Variants in ACTR3C observed in about 807,000 individuals in gnomAD.
ACTR3C encodes actin related protein 3C.
A neutral mutation model predicts 26.3 loss-of-function variants in ACTR3C; 18 were observed. That is an observed-to-expected ratio of 0.68 (90% confidence interval 0.47 to 1.01). The LOEUF is 1.01. ACTR3C is among the 50% of genes least tolerant of loss of function. The pLI, the probability that ACTR3C is intolerant of heterozygous loss-of-function variation, is 0.00. For synonymous variants in ACTR3C, 55 were observed against 94.5 expected, an observed-to-expected ratio of 0.58 and a Z score of 2.42; for missense variants, 184 against 250.7, an observed-to-expected ratio of 0.73 and a Z score of 1.80.
chr7:150,278,074 A>G (rs1835029849), intron 6 of ACTR3C, among the ~76,000 whole-genome samples: 1 of 152,092 alleles, frequency 6.6e-6, no homozygotes, highest in South Asian at 2.1e-4. Context: ...CCCAGGCTTC[A>G]CACTCCCCAT....
the ACTR3C span, among the ~76,000 whole-genome samples, chr7:150,118,252 T>G: frequency 6.6e-6 from 1 of 151,946 alleles, no homozygotes; most frequent in South Asian, 2.1e-4. Context: ...AAATTGACAG[T>G]AGGCTTCAGA....
chr7:150,231,728 T>C, the ACTR3C span, among the ~76,000 whole-genome samples: 2 of 152,074 alleles, frequency 1.3e-5, no homozygotes, highest in South Asian at 4.1e-4. Flanking sequence ...GACCTGATAA[T>C]ATATTTCCTA....
At chr7:150,259,564 G>GA (rs1417251567) in intron 6 of ACTR3C, among the ~76,000 whole-genome samples, 2 of 152,166 alleles carry the variant, frequency 1.3e-5, no homozygotes, top group Non-Finnish European at 2.9e-5. Context: ...GCTTTAGAAA[G>GA]AAAAAACAGC....
At chr7:150,189,234 A>G in the ACTR3C span, among the ~76,000 whole-genome samples, 1 of 152,070 alleles carries the variant, frequency 6.6e-6, no homozygotes, top group Non-Finnish European at 1.5e-5. Flanking sequence ...ATTTTGCTCT[A>G]TTCTTTTTGC....
At chr7:150,047,050 T>C in the ACTR3C span, among the ~76,000 whole-genome samples, 1 of 150,612 alleles carries the variant, frequency 6.6e-6, no homozygotes, top group Non-Finnish European at 1.5e-5. Flanking sequence ...GAAAGGATAA[T>C]CACCACCACC....
chr7:150,274,372 T>C lies in ACTR3C; in HGVS notation c.564+10381A>G, dbSNP rs935222536. 6.6e-6 allele frequency among the ~76,000 whole-genome samples: 1 copy of C among 152,192 alleles called. No individual in the cohort carries two copies. Among genetic ancestry groups the C allele is most frequent in the Non-Finnish European group, 1.5e-5 (1 of 68,032 alleles). ...CAATAACATATTTTTTAAATGAAGGTATGTACACTGGTTTTTTAGACATAA... is the reference window on the plus strand; with the variant it reads ...CAATAACATATTTTTTAAATGAAGGCATGTACACTGGTTTTTTAGACATAA... On this transcript the variant is annotated intron_variant, in intron 6 of 7. Coordinates refer to ENST00000683684, the MANE Select transcript of ACTR3C (RefSeq NM_001164458.2). The surrounding 1 kb of genome is among the most constrained non-coding windows in gnomAD (Gnocchi z 4.1).
the ACTR3C span, among the ~76,000 whole-genome samples, chr7:149,884,406 G>C: frequency 1.3e-5 from 2 of 152,188 alleles, no homozygotes; most frequent in South Asian, 2.1e-4. Context: ...AAGTCCAAGA[G>C]ACCTAGTGTG....
chr7:149,907,577 C>T, the ACTR3C span, among the ~76,000 whole-genome samples: 2 of 150,208 alleles, frequency 1.3e-5, no homozygotes, highest in Non-Finnish European at 1.5e-5. Flanking sequence ...TTTGTATTAT[C>T]CTCCTAGCTT....
At chr7:149,923,049 A>T in the ACTR3C span, among the ~76,000 whole-genome samples, 1 of 140,530 alleles carries the variant, frequency 7.1e-6, no homozygotes, top group Non-Finnish European at 1.5e-5. Context: ...GATGCAAGCT[A>T]ATTTCATAAT....
chr7:150,008,058 A>G, the ACTR3C span, among the ~76,000 whole-genome samples: 2 of 152,236 alleles, frequency 1.3e-5, no homozygotes, highest in Non-Finnish European at 2.9e-5. Flanking sequence ...CTTAAACGAA[A>G]GAAAAAAATC....
At chr7:150,097,197 G>C in the ACTR3C span, among the ~76,000 whole-genome samples, 2 of 151,796 alleles carry the variant, frequency 1.3e-5, no homozygotes, top group Non-Finnish European at 2.9e-5. Context: ...AGAATCACAG[G>C]ACTCTGTGTT....
chr7:150,146,385 C>T, the ACTR3C span, among the ~76,000 whole-genome samples: 5 of 152,158 alleles, frequency 3.3e-5, no homozygotes, highest in Non-Finnish European at 7.3e-5. Context: ...AGCTGTAAGA[C>T]AAAGAGTTCC....
the ACTR3C span, among the ~76,000 whole-genome samples, chr7:150,190,855 A>G: frequency 2.0e-5 from 3 of 152,152 alleles, no homozygotes; most frequent in African/African-American, 7.2e-5. Context: ...GGAAGCAAAC[A>G]CGTCCTTCTT....
the ACTR3C span, among the ~76,000 whole-genome samples, chr7:150,037,429 A>T: frequency 3.1e-5 from 1 of 32,352 alleles, no homozygotes; most frequent in Non-Finnish European, 6.6e-5. Flanking sequence ...GAACTAGGGG[A>T]TGGCTCTCAA....
chr7:150,125,988 T>G, the ACTR3C span, among the ~76,000 whole-genome samples: 56 of 152,358 alleles, frequency 3.7e-4, no homozygotes, highest in South Asian at 0.012. Context: ...CTGGCTGAAC[T>G]GGGCACAGAG....
intron 6 of ACTR3C, among the ~76,000 whole-genome samples, chr7:150,272,211 A>G (rs1834501864): frequency 7.1e-6 from 1 of 141,314 alleles, no homozygotes; most frequent in Admixed American, 6.7e-5. Context: ...TCTGCCTCTC[A>G]TTCCTAAAAT....
At chr7:149,914,053 GT>G in the ACTR3C span, among the ~76,000 whole-genome samples, 81 of 151,108 alleles carry the variant, frequency 5.4e-4, no homozygotes, top group African/African-American at 1.6e-3. Flanking sequence ...ACCCGGCTAA[GT>G]TTTTTTTTAT....
the ACTR3C span, among the ~76,000 whole-genome samples, chr7:150,235,278 G>C: frequency 6.6e-6 from 1 of 152,170 alleles, no homozygotes; most frequent in South Asian, 2.1e-4. Context: ...CAACACAATA[G>C]ATTACACAAC....
Position 150,254,720 on chromosome 7 carries a change from T to C in ACTR3C, c.565-5666A>G, listed in dbSNP as rs376273897. On this transcript the variant is annotated intron_variant, in intron 6 of 7. Transcript: ENST00000683684. ...CCATCATTTCAGTTGCTCAGGCAGG[T>C]GGATTTAAGACTGATCTGCCATCTG... Among the ~76,000 whole-genome samples, 18 of 152,224 alleles carry C rather than the reference T, an allele frequency of 1.2e-4. No homozygotes were observed. In the East Asian group the frequency reaches 2.7e-3, roughly 23 times the overall value.
Sources: gnomAD v4.1 joint callset for allele counts (sites outside exome capture counted in the v4.1 genomes callset) on GRCh38, gnomAD v4.1.1 for gene constraint, Gnocchi (gnomAD v3.1) non-coding constraint, MANE v1.5 for transcripts, NCBI Gene and HGNC (gene_info 2026-07-23, HGNC 2026-07-21) for gene names.